Variants in ATP8A2 observed in about 807,000 individuals in gnomAD.
The protein encoded by ATP8A2 is ATPase phospholipid transporting 8A2.
Under a neutral mutation model 165.6 loss-of-function variants are expected in ATP8A2, and 100 were observed. That is an observed-to-expected ratio of 0.60 (90% CI 0.51 to 0.71). The LOEUF (loss-of-function observed/expected upper bound fraction) is 0.71, where lower values mean the gene tolerates loss of function less well. Among genes scored for constraint, ATP8A2 ranks in the 30% least tolerant of loss-of-function variants. ATP8A2 has a pLI of 0.00. For synonymous variants in ATP8A2, 543 were observed against 548.8 expected (o/e 0.99, Z 0.15); for missense variants, 1,227 against 1,479.5 (o/e 0.83, Z 2.80).
chr13:25,405,535 G>T (rs1311640461), intron 1 of ATP8A2, among the ~76,000 whole-genome samples: 1 of 152,054 alleles, frequency 6.6e-6, no homozygotes, highest in African/African-American at 2.4e-5. Context: ...TCTCCTTGGG[G>T]TACTCCCAGC....
At chr13:25,992,290 T>C (rs1424612995) in intron 35 of ATP8A2, among the ~76,000 whole-genome samples, 2 of 151,854 alleles carry the variant, frequency 1.3e-5, no homozygotes, top group African/African-American at 4.8e-5. Context: ...GGTTTTAGTC[T>C]GTGTTTTCCT....
intron 33 of ATP8A2, among the ~76,000 whole-genome samples, chr13:25,882,815 C>A (rs1253581741): frequency 9.2e-5 from 14 of 152,170 alleles, no homozygotes; most frequent in Admixed American, 6.5e-4. Context: ...CGTCTACTCA[C>A]TGATGGAGGG....
intron 1 of ATP8A2, among the ~76,000 whole-genome samples, chr13:25,430,700 C>T (rs911588695): frequency 1.8e-4 from 28 of 151,918 alleles, no homozygotes; most frequent in African/African-American, 5.1e-4. Context: ...CAGTTTCAAG[C>T]GATTCTCCTA....
intron 25 of ATP8A2, among the ~76,000 whole-genome samples, chr13:25,706,824 C>T (rs1390448308): frequency 1.3e-5 from 2 of 151,854 alleles, no homozygotes; most frequent in Non-Finnish European, 2.9e-5. Flanking sequence ...ATATATTTGC[C>T]CATTTGTTGA....
At chr13:25,419,348 C>T (rs762054985) in intron 1 of ATP8A2, among the ~76,000 whole-genome samples, 76 of 152,204 alleles carry the variant, frequency 5.0e-4, no homozygotes, top group African/African-American at 1.1e-3. Context: ...TTTTCCTCCC[C>T]CATCACTAGG....
intron 26 of ATP8A2, among the ~76,000 whole-genome samples, chr13:25,772,633 A>G (rs1310674162): frequency 1.3e-5 from 2 of 151,938 alleles, no homozygotes; most frequent in Non-Finnish European, 2.9e-5. Context: ...CTTTAGTGCT[A>G]ATGGAGATTA....
chr13:25,390,487 T>C (rs1414476869), intron 1 of ATP8A2, among the ~76,000 whole-genome samples: 1 of 152,200 alleles, frequency 6.6e-6, no homozygotes, highest in African/African-American at 2.4e-5. Context: ...TGTCCCTTTG[T>C]ACTCAGTTTC....
chr13:25,945,893 G>A (rs934654333), intron 33 of ATP8A2, among the ~76,000 whole-genome samples: 4 of 152,240 alleles, frequency 2.6e-5, no homozygotes, highest in African/African-American at 7.2e-5. Flanking sequence ...ATCAGCACAC[G>A]GCACTGTACA....
chr13:25,637,043 T>C (rs550040828), intron 24 of ATP8A2, among the ~76,000 whole-genome samples: 50 of 130,522 alleles, frequency 3.8e-4, no homozygotes, highest in African/African-American at 1.3e-3. Flanking sequence ...TGAGTTGAGA[T>C]TGCACCACTA....
intron 24 of ATP8A2, among the ~76,000 whole-genome samples, chr13:25,640,186 T>G (rs1007180262): frequency 6.6e-6 from 1 of 151,904 alleles, no homozygotes; most frequent in Non-Finnish European, 1.5e-5. Flanking sequence ...ACATCACAAT[T>G]AAAAGAACTA....
intron 2 of ATP8A2, among the ~76,000 whole-genome samples, chr13:25,529,627 G>A (rs972635416): frequency 6.6e-6 from 1 of 152,158 alleles, no homozygotes; most frequent in Admixed American, 6.6e-5. Context: ...TTTGGGTGTG[G>A]TTGAAGCATG....
intron 25 of ATP8A2, among the ~76,000 whole-genome samples, chr13:25,739,050 T>A (rs1383556274): frequency 6.6e-6 from 1 of 152,178 alleles, no homozygotes; most frequent in African/African-American, 2.4e-5. Context: ...TGAAGTTGAG[T>A]AAAAGCTCTT....
chr13:25,862,416 C>T lies in ATP8A2; in HGVS notation c.3183+8C>T. ...CCAGATATGAGAGGACAGGTAAGTA[C>T]TCCTGATTGGGAGTGTGTCTTCTGT... On this transcript the variant is annotated splice_region_variant and intron_variant, in intron 33 of 36. Coordinates refer to ENST00000381655, the MANE Select transcript of ATP8A2 (RefSeq NM_016529.6). 6.3e-7 allele frequency: 1 copy of T among 1,598,522 alleles called. No individual in the cohort carries two copies. Among genetic ancestry groups the T allele is most frequent in the Non-Finnish European group, 8.6e-7 (1 of 1,165,910 alleles).
chr13:25,646,917 T>C (rs1486209200), intron 24 of ATP8A2, among the ~76,000 whole-genome samples: 1 of 152,172 alleles, frequency 6.6e-6, no homozygotes, highest in East Asian at 1.9e-4. Flanking sequence ...TGCTTTGTAG[T>C]TACTATAAGG....
chr13:25,561,392 T>C (rs2039149648), intron 15 of ATP8A2, among the ~76,000 whole-genome samples: 1 of 152,152 alleles, frequency 6.6e-6, no homozygotes, highest in Non-Finnish European at 1.5e-5. Flanking sequence ...TACTTCCTGG[T>C]ATTTTTTTCA....
intron 27 of ATP8A2, among the ~76,000 whole-genome samples, chr13:25,824,046 A>G (rs1181595095): frequency 6.6e-6 from 1 of 151,892 alleles, no homozygotes; most frequent in African/African-American, 2.4e-5. Flanking sequence ...TCTTGGCTCT[A>G]TGCAACCTCC....
intron 1 of ATP8A2, among the ~76,000 whole-genome samples, chr13:25,453,705 T>A (rs2035288936): frequency 6.6e-6 from 1 of 152,224 alleles, no homozygotes; most frequent in Non-Finnish European, 1.5e-5. Flanking sequence ...AGACTAACGT[T>A]CTATAAGAAA....
At chr13:25,578,388 G>A (rs1424167988) in intron 20 of ATP8A2, among the ~76,000 whole-genome samples, 1 of 152,184 alleles carries the variant, frequency 6.6e-6, no homozygotes. Flanking sequence ...AGCGCCCAAT[G>A]GGTTGTGCCC....
chr13:26,017,235 A>G (rs966193463), intron 36 of ATP8A2, among the ~76,000 whole-genome samples: 2 of 152,138 alleles, frequency 1.3e-5, no homozygotes, highest in East Asian at 3.9e-4. Flanking sequence ...GCAGCTGTGG[A>G]GCCAGTGACG....
Sources: gnomAD v4.1 joint callset for allele counts (sites outside exome capture counted in the v4.1 genomes callset) on GRCh38, gnomAD v4.1.1 for gene constraint, MANE v1.5 for transcripts, NCBI Gene and HGNC (gene_info 2026-07-23, HGNC 2026-07-21) for gene names.